The following OSTM1 variants were observed in gnomAD, a reference collection of about 807,000 sequenced individuals.
The protein encoded by OSTM1 is osteoclastogenesis associated transmembrane protein 1, also known as osteopetrosis-associated transmembrane protein 1.
OSTM1 carries 26 observed loss-of-function variants against 35.4 expected under a neutral mutation model. The ratio of observed to expected loss-of-function variants is 0.73; its 90% confidence interval spans 0.54 to 1.02. The LOEUF (loss-of-function observed/expected upper bound fraction) is 1.02, where lower values mean the gene tolerates loss of function less well. Among genes scored for constraint, OSTM1 ranks in the 50% least tolerant of loss-of-function variants. The pLI is 0.00. For missense variants in OSTM1, 366 were observed against 409.6 expected (o/e 0.89, Z 0.92); for synonymous variants, 181 against 165.0 (o/e 1.10, Z -0.75).
intron 1 of OSTM1, among the ~76,000 whole-genome samples, chr6:108,066,896 C>A (rs1772389136): frequency 6.6e-6 from 1 of 152,152 alleles, no homozygotes; most frequent in Non-Finnish European, 1.5e-5. Flanking sequence ...CAACACCTCG[C>A]CAAGTGACCA....
chr6:108,071,357 G>A (rs1033638617), intron 1 of OSTM1, among the ~76,000 whole-genome samples: 3 of 151,272 alleles, frequency 2.0e-5, no homozygotes, highest in Non-Finnish European at 4.4e-5. Flanking sequence ...CCAGGTTGGA[G>A]AGTGGTGGCA....
chr6:108,060,767 C>G (rs1385307130), intron 2 of OSTM1: 1 of 152,126 alleles, frequency 6.6e-6, no homozygotes. Flanking sequence ...AATGCCCTGC[C>G]TCTTCTAAGT....
At chr6:108,052,511 CTTTTTTT>C (rs35984071) in intron 3 of OSTM1, among the ~76,000 whole-genome samples, 2 of 108,126 alleles carry the variant, frequency 1.8e-5, no homozygotes. Context: ...GTAATTTAAC[CTTTTTTT>C]TTTTTTTTTT....
intron 3 of OSTM1, among the ~76,000 whole-genome samples, chr6:108,052,428 G>A (rs376644638): frequency 1.3e-4 from 17 of 129,142 alleles, no homozygotes; most frequent in African/African-American, 4.6e-4. Context: ...GCGAGACTCC[G>A]TCTCAAAAAA....
chr6:108,067,862 GAA>G (rs1488946649), intron 1 of OSTM1, among the ~76,000 whole-genome samples: 1 of 140,062 alleles, frequency 7.1e-6, no homozygotes, highest in Non-Finnish European at 1.6e-5. Flanking sequence ...TAGAGAAAGA[GAA>G]ATGAAAGAAA....
At chr6:108,053,396 G>C (rs936238857) in intron 3 of OSTM1, among the ~76,000 whole-genome samples, 12 of 152,002 alleles carry the variant, frequency 7.9e-5, no homozygotes, top group Non-Finnish European at 1.6e-4. Flanking sequence ...TCCACTAAAG[G>C]CTCTGAAGTC....
chr6:108,068,084 T>C (rs1231271283), intron 1 of OSTM1, among the ~76,000 whole-genome samples: 1 of 152,090 alleles, frequency 6.6e-6, no homozygotes, highest in African/African-American at 2.4e-5. Flanking sequence ...GACAGATATA[T>C]CTCCAATTCT....
At chr6:108,060,034 G>A (rs1332288061) in intron 2 of OSTM1, among the ~76,000 whole-genome samples, 4 of 152,044 alleles carry the variant, frequency 2.6e-5, no homozygotes, top group African/African-American at 7.2e-5. Flanking sequence ...TGCAAATACG[G>A]TGAAAACTAA....
chr6:108,044,552 T>C lies in OSTM1; in HGVS notation c.*233A>G, dbSNP rs1771932492. 2.6e-6 allele frequency: 1 copy of C among 380,710 alleles called. No homozygotes were observed. Among genetic ancestry groups the C allele is most frequent in the Non-Finnish European group, 4.7e-6 (1 of 211,992 alleles). 23.6% of individuals were successfully genotyped at this position (380,710 alleles called of 1,614,324 possible). On this transcript the variant is annotated 3_prime_UTR_variant, in exon 6 of 6. Transcript: ENST00000193322. ...TTGCATGTTCTGTTATTGTGACAAA[T>C]ACACATTAAAATAGATAACATTGCT...
rs116362765 is a variant in OSTM1, at chr6:108,054,182, T to C, written c.615+308A>G. Among the ~76,000 whole-genome samples, 466 of 152,298 alleles carry C rather than the reference T, an allele frequency of 3.1e-3. 3 individuals carry two copies. Among genetic ancestry groups the C allele is most frequent in the African/African-American group, 0.011 (444 of 41,568 alleles). ...CCTACGTAAGTCAGATTGAAAACCA[T>C]TGTGTTTTAATTAAACAATCACACA... On this transcript the variant is annotated intron_variant, in intron 3 of 5. Transcript: ENST00000193322.
rs1484182297 is a variant in OSTM1 at position 108,043,397 on chromosome 6, A to C, written c.*1388T>G. On this transcript the variant is annotated 3_prime_UTR_variant, in exon 6 of 6. Transcript: ENST00000193322. The stretch of plus-strand genomic sequence containing the variant: ...TTATATTTCACTCCACATAAACAGT[A>C]AACATAAAAGAAAAAAGAAACACTT... 1 of 152,256 alleles carries C rather than the reference A, an allele frequency of 6.6e-6. No individual in the cohort carries two copies. The highest frequency in any genetic ancestry group is 1.5e-5 in the Non-Finnish European group (1 of 68,040). The allele number at this position is 152,256 out of a possible 1,614,324, so 9.4% of individuals were successfully genotyped here. A position where few individuals can be genotyped will look rare whatever the true frequency, so the allele number is the denominator to read the frequency against.
At chr6:108,053,439 T>C (rs1460494985) in intron 3 of OSTM1, among the ~76,000 whole-genome samples, 2 of 152,240 alleles carry the variant, frequency 1.3e-5, no homozygotes, top group African/African-American at 4.8e-5. Context: ...CTTAATGGAA[T>C]ACTAAACCCT....
chr6:108,052,306 A>G (rs976237597), intron 3 of OSTM1, among the ~76,000 whole-genome samples: 7 of 151,876 alleles, frequency 4.6e-5, no homozygotes, highest in Admixed American at 6.6e-5. Context: ...GGTGGCGGGC[A>G]CCTGTAGTCC....
intron 2 of OSTM1, among the ~76,000 whole-genome samples, chr6:108,055,885 C>T (rs1010115374): frequency 5.9e-5 from 9 of 152,190 alleles, no homozygotes; most frequent in African/African-American, 2.2e-4. Context: ...CTCTTGTTCC[C>T]CTTAATTTCA....
In OSTM1 at chr6:108,068,814, C is replaced by T. The variant is rs142561724; in HGVS notation, c.403-4515G>A. Among the ~76,000 whole-genome samples, 7 of 152,082 alleles carry T rather than the reference C, an allele frequency of 4.6e-5. No individual in the cohort carries two copies. In the East Asian group the frequency reaches 9.7e-4, roughly 21 times the overall value. On this transcript the variant is annotated intron_variant, in intron 1 of 5. Coordinates refer to ENST00000193322, the MANE Select transcript of OSTM1 (RefSeq NM_014028.4). The stretch of plus-strand genomic sequence containing the variant: ...TCCACAGAATTAAACCTTTCACTAA[C>T]GTCATACTGCTTTAAAATCAAAGTC...
chr6:108,050,120 A>G (rs1772050422), intron 4 of OSTM1, among the ~76,000 whole-genome samples: 1 of 152,170 alleles, frequency 6.6e-6, no homozygotes, highest in Admixed American at 6.5e-5. Flanking sequence ...TTCAATTAAT[A>G]CATGTTTATT....
intron 2 of OSTM1, among the ~76,000 whole-genome samples, chr6:108,063,665 T>C (rs1772327733): frequency 6.6e-6 from 1 of 152,168 alleles, no homozygotes; most frequent in Non-Finnish European, 1.5e-5. Context: ...GTAGAACAGA[T>C]GTCATCATCC....
chr6:108,059,739 A>C (rs1772239687), intron 2 of OSTM1, among the ~76,000 whole-genome samples: 1 of 152,192 alleles, frequency 6.6e-6, no homozygotes, highest in Non-Finnish European at 1.5e-5. Flanking sequence ...TTGATGGCCA[A>C]TACAATAATA....
At chr6:108,049,450 T>C (rs1356852260) in intron 4 of OSTM1, 32 bp from the exon 5 acceptor site, 6 of 1,608,560 alleles carry the variant, frequency 3.7e-6, no homozygotes, top group Non-Finnish European at 5.1e-6. Flanking sequence ...TCTTTCTATT[T>C]TATATTTAAC....
Sources: allele counts gnomAD v4.1 joint callset (sites outside exome capture counted in the v4.1 genomes callset), GRCh38; gene constraint gnomAD v4.1.1; transcripts MANE v1.5; gene names NCBI Gene and HGNC (gene_info 2026-07-23, HGNC 2026-07-21).